The following KCNIP4 variants were observed in gnomAD, a reference collection of about 807,000 sequenced individuals.
The protein encoded by KCNIP4 is potassium voltage-gated channel interacting protein 4.
In KCNIP4, 12 loss-of-function variants were observed where a neutral mutation model predicts 34.0. The ratio of observed to expected loss-of-function variants is 0.35; its 90% confidence interval spans 0.23 to 0.57. The LOEUF is 0.57. Among genes scored for constraint, KCNIP4 ranks in the 20% least tolerant of loss-of-function variants. KCNIP4 has a pLI of 0.83. For synonymous variants in KCNIP4, 124 were observed against 102.2 expected, an observed-to-expected ratio of 1.21 and a Z score of -1.29; for missense variants, 238 against 311.7, an observed-to-expected ratio of 0.76 and a Z score of 1.78.
At chr4:21,375,545 T>C (rs1457090535) in intron 1 of KCNIP4, among the ~76,000 whole-genome samples, 1 of 147,454 alleles carries the variant, frequency 6.8e-6, no homozygotes, top group Non-Finnish European at 1.5e-5. Context: ...ACAATTATCA[T>C]TGTTACCCTT....
At chr4:21,219,444 G>T (rs551950975) in intron 1 of KCNIP4, among the ~76,000 whole-genome samples, 1 of 152,268 alleles carries the variant, frequency 6.6e-6, no homozygotes, top group South Asian at 2.1e-4. Context: ...AACATAAAGA[G>T]AAGAAGATTT....
At chr4:21,354,236 T>C (rs1050221450) in intron 1 of KCNIP4, among the ~76,000 whole-genome samples, 1 of 152,130 alleles carries the variant, frequency 6.6e-6, no homozygotes, top group Non-Finnish European at 1.5e-5. Context: ...AGAAACTGCA[T>C]CAATTAAGGG....
chr4:21,003,111 C>T (rs1373107919), intron 1 of KCNIP4, among the ~76,000 whole-genome samples: 1 of 152,182 alleles, frequency 6.6e-6, no homozygotes, highest in African/African-American at 2.4e-5. Flanking sequence ...GTTTGATCTG[C>T]TGATGTCCTC....
intron 1 of KCNIP4, among the ~76,000 whole-genome samples, chr4:20,925,775 C>A (rs548019947): frequency 6.6e-6 from 1 of 152,064 alleles, no homozygotes; most frequent in African/African-American, 2.4e-5. Context: ...TTTATTATTA[C>A]GTGGCAGGAG....
intron 2 of KCNIP4, among the ~76,000 whole-genome samples, chr4:20,859,283 G>C (rs549578946): frequency 6.6e-6 from 1 of 152,140 alleles, no homozygotes; most frequent in East Asian, 1.9e-4. Context: ...ATGTTTGTTT[G>C]AGACAAAAAC....
intron 3 of KCNIP4, among the ~76,000 whole-genome samples, chr4:20,817,197 G>C (rs946676084): frequency 5.9e-5 from 9 of 152,162 alleles, no homozygotes; most frequent in African/African-American, 1.9e-4. Context: ...AGTAATTCTT[G>C]ATGCAGAATT....
intron 1 of KCNIP4, among the ~76,000 whole-genome samples, chr4:21,304,785 A>G (rs1001321926): frequency 6.6e-6 from 1 of 152,170 alleles, no homozygotes; most frequent in South Asian, 2.1e-4. Context: ...ATCTTTTTGA[A>G]GCATGGGAAT....
At chr4:21,885,910 C>A (rs1338806485) in intron 1 of KCNIP4, among the ~76,000 whole-genome samples, 1 of 152,118 alleles carries the variant, frequency 6.6e-6, no homozygotes, top group Non-Finnish European at 1.5e-5. Context: ...GGATAGACAT[C>A]CGCTCTTAAA....
At chr4:21,236,127 T>G (rs1171928004) in intron 1 of KCNIP4, among the ~76,000 whole-genome samples, 2 of 152,084 alleles carry the variant, frequency 1.3e-5, no homozygotes, top group East Asian at 3.9e-4. Flanking sequence ...AAATCCTGCC[T>G]CTACAAGAAG....
chr4:21,843,038 GT>G (rs1292721541), intron 1 of KCNIP4, among the ~76,000 whole-genome samples: 5 of 152,020 alleles, frequency 3.3e-5, no homozygotes, highest in African/African-American at 4.8e-5. Context: ...GAAAATAAAT[GT>G]TTTGCTTTAT....
At chr4:21,564,879 G>A (rs906397420) in intron 1 of KCNIP4, among the ~76,000 whole-genome samples, 2 of 152,046 alleles carry the variant, frequency 1.3e-5, no homozygotes, top group African/African-American at 4.8e-5. Flanking sequence ...AAGGGAACTA[G>A]CAGAGGGAGA....
At chr4:21,112,208 G>A (rs1031788934) in intron 1 of KCNIP4, among the ~76,000 whole-genome samples, 1 of 152,158 alleles carries the variant, frequency 6.6e-6, no homozygotes, top group Non-Finnish European at 1.5e-5. Flanking sequence ...TAGGAAAAAT[G>A]CAGCAACTTG....
At chr4:21,636,288 A>G (rs1319598613) in intron 1 of KCNIP4, among the ~76,000 whole-genome samples, 3 of 145,828 alleles carry the variant, frequency 2.1e-5, no homozygotes, top group Non-Finnish European at 4.5e-5. Flanking sequence ...CTTAAAGTAT[A>G]ATAAAAAAAA....
intron 1 of KCNIP4, among the ~76,000 whole-genome samples, chr4:21,565,200 G>T (rs1246006751): frequency 6.6e-6 from 1 of 152,156 alleles, no homozygotes; most frequent in Non-Finnish European, 1.5e-5. Context: ...AGTAGTCTAA[G>T]ACCAAGGGGC....
At chr4:21,837,532 C>CAAAAAAAAAAAAAAAAAAAAAAAAA (rs60449238) in intron 1 of KCNIP4, among the ~76,000 whole-genome samples, 3 of 78,524 alleles carry the variant, frequency 3.8e-5, no homozygotes, top group African/African-American at 1.8e-4. Context: ...AAAACGCTGT[C>CAAAAAAAAAAAAAAAAAAAAAAAAA]AAAAAAAAAA....
chr4:21,659,819 C>T (rs940824911), intron 1 of KCNIP4, among the ~76,000 whole-genome samples: 4 of 152,060 alleles, frequency 2.6e-5, no homozygotes, highest in Admixed American at 6.6e-5. Flanking sequence ...TTCCTGTGCT[C>T]TCATTTATTT....
intron 1 of KCNIP4, among the ~76,000 whole-genome samples, chr4:21,940,789 T>C (rs1730162724): frequency 6.6e-6 from 1 of 152,204 alleles, no homozygotes; most frequent in African/African-American, 2.4e-5. Flanking sequence ...ATTTAACTTG[T>C]TCTTAATACT....
intron 1 of KCNIP4, among the ~76,000 whole-genome samples, chr4:21,376,619 G>A (rs147719184): frequency 1.3e-4 from 20 of 152,232 alleles, no homozygotes; most frequent in African/African-American, 4.6e-4. Flanking sequence ...TTAAATTACT[G>A]GCTCTTAATC....
chr4:21,925,482 G>A (rs762441113), intron 1 of KCNIP4, among the ~76,000 whole-genome samples: 4 of 152,076 alleles, frequency 2.6e-5, no homozygotes, highest in Middle Eastern at 3.4e-3. Flanking sequence ...CCAGTCTATC[G>A]TTGTTGGACA....
Sources: gnomAD v4.1 joint callset for allele counts (sites outside exome capture counted in the v4.1 genomes callset) on GRCh38, gnomAD v4.1.1 for gene constraint, MANE v1.5 for transcripts, NCBI Gene and HGNC (gene_info 2026-07-23, HGNC 2026-07-21) for gene names.